The following CLYBL variants were observed in gnomAD, a reference collection of about 807,000 sequenced individuals.
The protein encoded by CLYBL is citramalyl-CoA lyase.
A neutral mutation model predicts 38.9 loss-of-function variants in CLYBL; 31 were observed. The observed-to-expected ratio is 0.80, with a 90% confidence interval of 0.60 to 1.08. The LOEUF (loss-of-function observed/expected upper bound fraction) is 1.08, where lower values mean the gene tolerates loss of function less well. Among genes scored for constraint, CLYBL ranks in the 50% least tolerant of loss-of-function variants. The pLI is 0.00. For missense variants in CLYBL, 434 were observed against 411.6 expected, an observed-to-expected ratio of 1.05 and a Z score of -0.47; for synonymous variants, 171 against 158.6, an observed-to-expected ratio of 1.08 and a Z score of -0.59.
intron 6 of CLYBL, among the ~76,000 whole-genome samples, chr13:99,870,638 A>G (rs1035182525): frequency 6.6e-6 from 1 of 152,192 alleles, no homozygotes; most frequent in Non-Finnish European, 1.5e-5. Context: ...GTTATTCAAC[A>G]AGCTGCCTAG....
rs546998940 is a variant in CLYBL at position 99,771,020 on chromosome 13, C to CTTTTT, written c.63-1777_63-1773dup. On this transcript the variant is annotated intron_variant, in intron 1 of 8. Transcript: ENST00000339105. ...CAGGCGTAAGCCACCACGCGGGGCC[C>CTTTTT]TTTTTTTTTTTTTTTTTTTTTTTTT... 7.8e-4 allele frequency among the ~76,000 whole-genome samples: 94 copies of CTTTTT among 120,208 alleles called. 1 individual carries two copies. Among genetic ancestry groups the CTTTTT allele is most frequent in the African/African-American group, 2.5e-3 (68 of 27,678 alleles). The allele number at this position is 120,208 out of a possible 152,430, so 78.9% of individuals were successfully genotyped here.
At chr13:99,905,966 G>T (rs1006414115) in intron 9 of CLYBL, among the ~76,000 whole-genome samples, 1 of 152,054 alleles carries the variant, frequency 6.6e-6, no homozygotes, top group Non-Finnish European at 1.5e-5. Flanking sequence ...TAGAAACGGG[G>T]TCTCACCATG....
chr13:99,836,888 T>A lies in CLYBL; in HGVS notation c.250-21973T>A, dbSNP rs149493396. Among the ~76,000 whole-genome samples, 394 of 151,116 alleles carry A rather than the reference T, an allele frequency of 2.6e-3. 2 individuals are homozygous for A. Among genetic ancestry groups the A allele is most frequent in the African/African-American group, 9.1e-3 (372 of 41,046 alleles). On this transcript the variant is annotated intron_variant, in intron 2 of 8. Transcript: ENST00000339105. The stretch of plus-strand genomic sequence containing the variant: ...GGGAACATCACACACCGGGGACTGT[T>A]GTGGGGTGGGGGAAGGGGGAGGGAT...
intron 7 of CLYBL, among the ~76,000 whole-genome samples, chr13:99,871,366 T>A (rs1320060449): frequency 6.6e-6 from 1 of 152,186 alleles, no homozygotes; most frequent in East Asian, 1.9e-4. Context: ...TATGCAGCAT[T>A]CATATGAAAA....
intron 1 of CLYBL, among the ~76,000 whole-genome samples, chr13:99,765,234 A>G (rs1431123238): frequency 6.6e-6 from 1 of 152,134 alleles, no homozygotes; most frequent in Non-Finnish European, 1.5e-5. Flanking sequence ...TAAAAATGTC[A>G]TTCTGCTGCT....
At chr13:99,608,847 CTTTTTTTTTTTT>C (rs57961216) in intron 1 of CLYBL, among the ~76,000 whole-genome samples, 16 of 87,876 alleles carry the variant, frequency 1.8e-4, no homozygotes, top group African/African-American at 8.3e-4. Context: ...AGTGATGAGT[CTTTTTTTTTTTT>C]TTTTTTTTTT....
At chr13:99,649,861 T>G (rs2047225325) in intron 1 of CLYBL, among the ~76,000 whole-genome samples, 1 of 147,674 alleles carries the variant, frequency 6.8e-6, no homozygotes, top group Non-Finnish European at 1.5e-5. Flanking sequence ...AGCAACACTT[T>G]GTCTCAAAAG....
intron 1 of CLYBL, among the ~76,000 whole-genome samples, chr13:99,662,510 CTTTTTTTT>C: frequency 8.2e-6 from 1 of 122,370 alleles, no homozygotes; most frequent in South Asian, 2.7e-4. Flanking sequence ...ATCTTTAAAA[CTTTTTTTT>C]TTTTTTTTTT....
intron 1 of CLYBL, among the ~76,000 whole-genome samples, chr13:99,732,798 A>G (rs2048612815): frequency 6.6e-6 from 1 of 152,228 alleles, no homozygotes; most frequent in Non-Finnish European, 1.5e-5. Flanking sequence ...GGATAACTTT[A>G]CACTTGACCC....
At chr13:99,675,170 G>T (rs114507897) in intron 1 of CLYBL, among the ~76,000 whole-genome samples, 3 of 152,132 alleles carry the variant, frequency 2.0e-5, no homozygotes, top group Non-Finnish European at 4.4e-5. Context: ...CTCTTCAGGG[G>T]CAGACAATAT....
At chr13:99,801,933 T>C (rs2050143943) in intron 2 of CLYBL, among the ~76,000 whole-genome samples, 1 of 152,126 alleles carries the variant, frequency 6.6e-6, no homozygotes, top group East Asian at 1.9e-4. Flanking sequence ...GGAGAATCTC[T>C]TGAACCTGAT....
At position 99,841,373 on chromosome 13, in the gene CLYBL, C is replaced by T. The variant is rs147517093; in HGVS notation, c.250-17488C>T. Among the ~76,000 whole-genome samples, 177 of 149,876 alleles carry T rather than the reference C, an allele frequency of 1.2e-3. 2 individuals carry two copies. The East Asian group carries it at 0.023, about 19-fold the overall frequency. ...GTACCTATAATGAAAGACAGATTAA[C>T]AGGAGAAAAACACATACATACTTTT... On this transcript the variant is annotated intron_variant, in intron 2 of 8. Transcript: ENST00000339105.
chr13:99,712,049 C>T (rs2048242399), intron 1 of CLYBL, among the ~76,000 whole-genome samples: 1 of 152,122 alleles, frequency 6.6e-6, no homozygotes, highest in Non-Finnish European at 1.5e-5. Context: ...GAGCTCAGTC[C>T]TCGTGACTAA....
chr13:99,891,844 T>C (rs2052497366), intron 8 of CLYBL: 5 of 156,476 alleles, frequency 3.2e-5, no homozygotes, highest in Admixed American at 3.2e-4. Flanking sequence ...AGCCAGGCCT[T>C]TAAAACATAG....
chr13:99,897,654 T>C (rs774003963), downstream of CLYBL, among the ~76,000 whole-genome samples: 1 of 152,140 alleles, frequency 6.6e-6, no homozygotes, highest in Non-Finnish European at 1.5e-5. Context: ...TGTAAACATA[T>C]AGAAAACTGG....
At chr13:99,758,391 G>A (rs1024537841) in intron 1 of CLYBL, among the ~76,000 whole-genome samples, 2 of 152,140 alleles carry the variant, frequency 1.3e-5, no homozygotes, top group African/African-American at 2.4e-5. Context: ...TTTTTTCAAC[G>A]CATCTTAAGC....
intron 2 of CLYBL, among the ~76,000 whole-genome samples, chr13:99,825,845 T>C (rs1237723883): frequency 6.6e-6 from 1 of 152,180 alleles, no homozygotes; most frequent in Non-Finnish European, 1.5e-5. Context: ...ATAGACATCA[T>C]CAAATGGATG....
intron 1 of CLYBL, among the ~76,000 whole-genome samples, chr13:99,650,570 A>T (rs946347697): frequency 1.3e-5 from 2 of 152,176 alleles, no homozygotes; most frequent in African/African-American, 4.8e-5. Flanking sequence ...GCTCAGGTAC[A>T]TGTGCTCTTC....
At chr13:99,819,421 TATATATATA>T (rs2050531629) in intron 2 of CLYBL, among the ~76,000 whole-genome samples, 2 of 10,092 alleles carry the variant, frequency 2.0e-4, no homozygotes, top group African/African-American at 8.4e-4. Flanking sequence ...AAAATTTATA[TATATATATA>T]TATATATATA....
Sources: gnomAD v4.1 joint callset for allele counts (sites outside exome capture counted in the v4.1 genomes callset) on GRCh38, gnomAD v4.1.1 for gene constraint, MANE v1.5 for transcripts, NCBI Gene and HGNC (gene_info 2026-07-23, HGNC 2026-07-21) for gene names.